STON1: variants seen among roughly 807,000 people sequenced by gnomAD.
The protein encoded by STON1 is stonin 1.
A neutral mutation model predicts 60.9 loss-of-function variants in STON1; 79 were observed. That is an observed-to-expected ratio of 1.30 (90% CI 1.08 to 1.56). The LOEUF (loss-of-function observed/expected upper bound fraction) is 1.56. Ranked by LOEUF, STON1 falls within the 40% of genes most tolerant of loss-of-function variation. The pLI is 0.00. For missense variants in STON1, 1,166 were observed against 858.9 expected (o/e 1.36, Z -4.47); for synonymous variants, 363 against 306.9 (o/e 1.18, Z -1.91).
rs746337577 is a variant in STON1 at position 48,581,061 on chromosome 2, C to T, written c.428C>T (p.Thr143Ile). Residue 143 changes from threonine to isoleucine, a missense_variant, in exon 2 of 4, where the codon ACA becomes ATA. Coordinates refer to ENST00000404752, the MANE Select transcript of STON1 (RefSeq NM_006873.4). ...HALLPSDHSC[T>I]HPTPKVGLPD... Reference sequence around the variant, plus strand: ...TTGTTACCCAGTGACCACTCATGTACACATCCAACTCCCAAAGTAGGTCTT... The same window carrying T: ...TTGTTACCCAGTGACCACTCATGTATACATCCAACTCCCAAAGTAGGTCTT... 2.3e-5 allele frequency: 37 copies of T among 1,595,108 alleles called. No individual in the cohort carries two copies. The highest frequency in any genetic ancestry group is 1.7e-4 in the Middle Eastern group (1 of 5,986).
rs528501738 is a variant in STON1 at position 48,566,333 on chromosome 2, G to A, written c.-47-14254G>A. ...TGGGATTACAGGTGCCCACCACCAC[G>A]CCCGGCTAATTTTTGTATTTTTAGT... On this transcript the variant is annotated intron_variant, in intron 1 of 3. Coordinates refer to ENST00000404752, the MANE Select transcript of STON1 (RefSeq NM_006873.4). 2.0e-5 allele frequency among the ~76,000 whole-genome samples: 3 copies of A among 152,202 alleles called. No homozygotes were observed. In the South Asian group the frequency reaches 6.2e-4, roughly 32 times the overall value.
Position 48,598,416 on chromosome 2 carries a change from C to T in STON1, c.*3114C>T, listed in dbSNP as rs1202404637. The T allele has an allele frequency of 1.3e-5, 2 of 152,554 alleles. No homozygotes were observed. Among genetic ancestry groups the T allele is most frequent in the African/African-American group, 4.8e-5 (2 of 41,426 alleles). 9.5% of individuals were successfully genotyped at this position (152,554 alleles called of 1,614,324 possible). A position where few individuals can be genotyped will look rare whatever the true frequency, so the allele number is the denominator to read the frequency against. On this transcript the variant is annotated 3_prime_UTR_variant, in exon 4 of 4. Coordinates refer to ENST00000404752, the MANE Select transcript of STON1 (RefSeq NM_006873.4). ...CTTAAAATACAGTTTTGTATTCTGT[C>T]AATGCAAATATAAGACAGGTTGAGC...
At chr2:48,592,638 T>C (rs1354261501) in intron 3 of STON1, among the ~76,000 whole-genome samples, 3 of 148,782 alleles carry the variant, frequency 2.0e-5, no homozygotes, top group Non-Finnish European at 4.5e-5. Flanking sequence ...TTATTCTATT[T>C]TTAGTAGAGA....
chr2:48,578,033 T>G (rs1673620119), intron 1 of STON1, among the ~76,000 whole-genome samples: 3 of 152,226 alleles, frequency 2.0e-5, no homozygotes. Flanking sequence ...CAGGCTGAAG[T>G]GCAGTGACAC....
Position 48,582,228 on chromosome 2 carries a change from C to G in STON1, c.1595C>G (p.Ser532Cys). The change falls in exon 2 of 4, where the codon TCT (serine) becomes TGT (cysteine). Residue 532 changes from serine to cysteine, a missense_variant. Ser to Cys is a moderately radical substitution (Grantham distance 112). Transcript: ENST00000404752. ...GATAATCTTCCCTTTTCCTTGAAGT[C>G]TGTAGTGGTTGTCCAGGGAGCATAC... is the stretch of plus-strand genomic sequence containing the variant. ...NGDNLPFSLK[S>C]VVVVQGAYVE... 2 of 1,614,184 alleles carry G rather than the reference C, an allele frequency of 1.2e-6. No individual in the cohort carries two copies. Among genetic ancestry groups the G allele is most frequent in the East Asian group, 2.2e-5 (1 of 44,890 alleles).
intron 2 of STON1, among the ~76,000 whole-genome samples, chr2:48,583,469 A>ATTAT (rs374341424): frequency 6.6e-6 from 1 of 152,342 alleles, no homozygotes; most frequent in Non-Finnish European, 1.5e-5. Flanking sequence ...GCAAATAAAA[A>ATTAT]TTATCTAAAA....
intron 1 of STON1, among the ~76,000 whole-genome samples, chr2:48,556,975 G>C (rs1672390802): frequency 1.9e-5 from 1 of 51,702 alleles, no homozygotes; most frequent in Non-Finnish European, 4.0e-5. Flanking sequence ...GCGGGGGGCT[G>C]ACCCCCCCAC....
At chr2:48,570,843 G>GTTTT (rs70946811) in intron 1 of STON1, among the ~76,000 whole-genome samples, 28 of 77,120 alleles carry the variant, frequency 3.6e-4, no homozygotes, top group African/African-American at 8.6e-4. Flanking sequence ...CTGTCTCTGA[G>GTTTT]TTTTTTTTTT....
chr2:48,591,760 A>G lies in STON1; in HGVS notation c.2038A>G (p.Thr680Ala). ...FATVQFSVPD[T>A]CASRTEVRSL... ...TACTGTTCAGTTTTCCGTGCCTGAC[A>G]CCTGTGCCTCAAGGACAGAGGTCAG... is the stretch of plus-strand genomic sequence containing the variant. Residue 680 changes from threonine (T) to alanine (A), a missense_variant, in exon 3 of 4, where the codon ACC (threonine) becomes GCC (alanine). By Grantham distance (58) the Thr-to-Ala change is moderately conservative. Coordinates refer to ENST00000404752, the MANE Select transcript of STON1 (RefSeq NM_006873.4). The G allele has an allele frequency of 6.2e-7, 1 of 1,614,162 alleles. No individual in the cohort carries two copies. Among genetic ancestry groups the G allele is most frequent in the Non-Finnish European group, 8.5e-7 (1 of 1,180,022 alleles).
At chr2:48,553,539 G>C (rs1365341978) in intron 1 of STON1, among the ~76,000 whole-genome samples, 1 of 151,818 alleles carries the variant, frequency 6.6e-6, no homozygotes, top group Non-Finnish European at 1.5e-5. Flanking sequence ...CCAGGCCAGA[G>C]TGCAATGGCA....
intron 1 of STON1, among the ~76,000 whole-genome samples, chr2:48,536,533 G>A (rs1671436005): frequency 7.3e-6 from 1 of 137,084 alleles, no homozygotes. Flanking sequence ...GGGTGACAGA[G>A]TGAGATGCCA....
chr2:48,560,824 C>A lies in STON1; in HGVS notation c.-47-19763C>A, dbSNP rs185278844. Among the ~76,000 whole-genome samples, 191 of 152,262 alleles carry A rather than the reference C, an allele frequency of 1.3e-3. 3 individuals carry two copies. In the East Asian group the frequency reaches 0.029, roughly 23 times the overall value. The stretch of plus-strand genomic sequence containing the variant: ...ATGCTGGGCAAGCAGGCCACGTGCT[C>A]CCTTGCTTCCAGACTGGCAGCCTAG... On this transcript the variant is annotated intron_variant, in intron 1 of 3. Coordinates refer to ENST00000404752, the MANE Select transcript of STON1 (RefSeq NM_006873.4).
chr2:48,555,458 C>G (rs1225717361), intron 1 of STON1, among the ~76,000 whole-genome samples: 1 of 100,518 alleles, frequency 9.9e-6, no homozygotes, highest in East Asian at 3.8e-4. Context: ...GGCTGACCCC[C>G]CCCACCTCCC....
chr2:48,579,590 G>A (rs1673753054), intron 1 of STON1, among the ~76,000 whole-genome samples: 1 of 152,084 alleles, frequency 6.6e-6, no homozygotes, highest in African/African-American at 2.4e-5. Context: ...ATGTTTGTGT[G>A]ATTTCAATCT....
intron 1 of STON1, among the ~76,000 whole-genome samples, chr2:48,548,831 C>T (rs1157457811): frequency 6.6e-6 from 1 of 152,124 alleles, no homozygotes; most frequent in Non-Finnish European, 1.5e-5. Context: ...TCCTTCTAAA[C>T]CCTCCATGCC....
intron 1 of STON1, among the ~76,000 whole-genome samples, chr2:48,571,567 G>A (rs1052305051): frequency 6.6e-6 from 1 of 152,164 alleles, no homozygotes; most frequent in Non-Finnish European, 1.5e-5. Flanking sequence ...GGATTCCAGG[G>A]TCTCAAAGTG....
intron 1 of STON1, among the ~76,000 whole-genome samples, chr2:48,533,571 T>C (rs889906941): frequency 1.4e-4 from 20 of 145,368 alleles, no homozygotes; most frequent in Non-Finnish European, 1.8e-4. Flanking sequence ...GCACCTATAA[T>C]GTCAGCTACT....
intron 1 of STON1, among the ~76,000 whole-genome samples, chr2:48,568,590 C>T (rs1673048756): frequency 6.6e-6 from 1 of 152,040 alleles, no homozygotes; most frequent in Non-Finnish European, 1.5e-5. Context: ...AAAAGAGAGG[C>T]AGGGCACCTA....
intron 1 of STON1, among the ~76,000 whole-genome samples, chr2:48,547,131 C>T (rs114624504): frequency 0.02 from 3,113 of 152,242 alleles, 90 homozygotes; most frequent in African/African-American, 0.071. Context: ...AAGATTAGAG[C>T]TCATGTTTAT....
Sources: gnomAD v4.1 joint callset for allele counts (sites outside exome capture counted in the v4.1 genomes callset) on GRCh38, gnomAD v4.1.1 for gene constraint, MANE v1.5 for transcripts, NCBI Gene and HGNC (gene_info 2026-07-23, HGNC 2026-07-21) for gene names.